CTBP2: variants seen among roughly 807,000 people sequenced by gnomAD.
The protein encoded by CTBP2 is C-terminal binding protein 2.
Under a neutral mutation model 80.3 loss-of-function variants are expected in CTBP2, and 30 were observed. That is an observed-to-expected ratio of 0.37 (90% CI 0.28 to 0.51). The LOEUF (loss-of-function observed/expected upper bound fraction) is 0.51, where lower values mean the gene tolerates loss of function less well. CTBP2 is among the 20% of genes least tolerant of loss of function. CTBP2 has a pLI of 0.93. For missense variants in CTBP2, 1,212 were observed against 1,375.3 expected (o/e 0.88, Z 1.88); for synonymous variants, 594 against 587.4 (o/e 1.01, Z -0.16).
intron 2 of CTBP2, among the ~76,000 whole-genome samples, chr10:125,109,123 T>A (rs1851898711): frequency 1.3e-5 from 2 of 152,208 alleles, no homozygotes; most frequent in Non-Finnish European, 2.9e-5. Context: ...ATTCAACCAT[T>A]TTTGATATTT....
intron 1 of CTBP2, among the ~76,000 whole-genome samples, chr10:125,015,698 G>A (rs766732081): frequency 6.6e-6 from 1 of 152,250 alleles, no homozygotes; most frequent in Non-Finnish European, 1.5e-5. Flanking sequence ...ACCGCTGGTG[G>A]AGGTGTTGGG....
chr10:125,122,306 AAC>A (rs1458952055), intron 1 of CTBP2, among the ~76,000 whole-genome samples: 1 of 152,248 alleles, frequency 6.6e-6, no homozygotes, highest in East Asian at 1.9e-4. Flanking sequence ...TCACATGATG[AAC>A]ATATAAATAC....
chr10:125,093,475 C>A (rs1849086844), intron 2 of CTBP2, among the ~76,000 whole-genome samples: 1 of 152,172 alleles, frequency 6.6e-6, no homozygotes, highest in Non-Finnish European at 1.5e-5. Context: ...TTAAAATGAT[C>A]GTATGATACA....
chr10:125,040,221 G>A (rs1959249888), intron 2 of CTBP2, among the ~76,000 whole-genome samples: 1 of 152,124 alleles, frequency 6.6e-6, no homozygotes, highest in African/African-American at 2.4e-5. Context: ...TTGGGAGGCC[G>A]AGGCGGGCAG....
At chr10:125,119,987 A>G (rs1324108653) in intron 1 of CTBP2, among the ~76,000 whole-genome samples, 1 of 152,238 alleles carries the variant, frequency 6.6e-6, no homozygotes, top group Non-Finnish European at 1.5e-5. Context: ...GTTTTGAAAA[A>G]AGCCAAGTGT....
chr10:125,010,474 C>A (rs1367885545), intron 1 of CTBP2, among the ~76,000 whole-genome samples: 3 of 152,202 alleles, frequency 2.0e-5, no homozygotes, highest in Non-Finnish European at 4.4e-5. Context: ...TATCACCTGA[C>A]ACGCCCAACA....
intron 1 of CTBP2, among the ~76,000 whole-genome samples, chr10:125,133,954 A>G (rs1046444834): frequency 1.3e-5 from 2 of 152,212 alleles, no homozygotes; most frequent in African/African-American, 4.8e-5. Flanking sequence ...TTCTTTCTGC[A>G]TGGGTGATAA....
chr10:125,080,045 CCTCCAAGTTAA>C (rs1335306823), intron 2 of CTBP2, among the ~76,000 whole-genome samples: 2 of 151,584 alleles, frequency 1.3e-5, no homozygotes, highest in Admixed American at 1.3e-4. Flanking sequence ...ATAAAACGTT[CCTCCAAGTTAA>C]CTCCGCTGTA....
At chr10:125,003,614 G>T in intron 1 of CTBP2, 122 bp from the exon 4 acceptor site, 1 of 722,078 alleles carries the variant, frequency 1.4e-6, no homozygotes, top group Non-Finnish European at 2.1e-6. Flanking sequence ...GCGGAGCAGC[G>T]AGGGCACCGC....
intron 1 of CTBP2, among the ~76,000 whole-genome samples, chr10:125,128,154 A>C (rs917228157): frequency 6.6e-6 from 1 of 152,138 alleles, no homozygotes; most frequent in African/African-American, 2.4e-5. Flanking sequence ...AGCTGTCTAG[A>C]ATACCTACTT....
chr10:125,118,568 G>A (rs1238618855), intron 1 of CTBP2, among the ~76,000 whole-genome samples: 1 of 152,190 alleles, frequency 6.6e-6, no homozygotes, highest in Admixed American at 6.5e-5. Context: ...CATGGAAGCA[G>A]AGGCAGCCGG....
rs369182248 is a variant in CTBP2 at position 124,993,360 on chromosome 10, G to A, written c.2532-31C>T. The A allele has an allele frequency of 6.0e-5, 96 of 1,594,928 alleles. No individual in the cohort carries two copies. The African/African-American group carries it at 8.3e-4, about 14-fold the overall frequency. ...AAAATGTAGAAAAAACAGAGTAAGCGGGAAATGTCGCATACGCTCCCTGCC... is the reference window on the plus strand; with the variant it reads ...AAAATGTAGAAAAAACAGAGTAAGCAGGAAATGTCGCATACGCTCCCTGCC... On this transcript the variant is annotated intron_variant, in intron 6 of 8. Coordinates refer to ENST00000309035, the MANE Select transcript of CTBP2 (RefSeq NM_022802.3).
chr10:125,006,594 A>G (rs1009047109), intron 1 of CTBP2, among the ~76,000 whole-genome samples: 1 of 152,208 alleles, frequency 6.6e-6, no homozygotes, highest in East Asian at 1.9e-4. Flanking sequence ...CTCATATGGA[A>G]GATCTCATAT....
chr10:125,123,221 C>A (rs1381089718), intron 1 of CTBP2, among the ~76,000 whole-genome samples: 1 of 143,048 alleles, frequency 7.0e-6, no homozygotes, highest in South Asian at 2.3e-4. Context: ...TATAAAAGGG[C>A]AACGGGGGGA....
intron 1 of CTBP2, among the ~76,000 whole-genome samples, chr10:125,159,102 G>A (rs938043487): frequency 4.7e-5 from 7 of 150,348 alleles, no homozygotes; most frequent in African/African-American, 1.7e-4. Flanking sequence ...GCTGGGGGCA[G>A]CGCGAGGGAG....
At chr10:125,103,317 T>C (rs1444550944) in intron 2 of CTBP2, among the ~76,000 whole-genome samples, 1 of 152,084 alleles carries the variant, frequency 6.6e-6, no homozygotes, top group African/African-American at 2.4e-5. Flanking sequence ...ATCTACAATA[T>C]GCAGGCCATG....
intron 1 of CTBP2, among the ~76,000 whole-genome samples, chr10:125,004,596 G>A (rs942800217): frequency 1.3e-5 from 2 of 152,322 alleles, no homozygotes; most frequent in African/African-American, 2.4e-5. Context: ...CGAGATGCCA[G>A]GAAGGGGCAA....
Position 124,989,695 on chromosome 10 carries a change from A to G in CTBP2, c.2781T>C (p.Tyr927=), listed in dbSNP as rs755688829. The G allele has an allele frequency of 2.5e-6, 4 of 1,571,060 alleles. No homozygotes were observed. Among genetic ancestry groups the G allele is most frequent in the East Asian group, 2.2e-5 (1 of 44,586 alleles). ...GAGCCACACCCACGATGCCTGGCGG[A>G]TATCTAAGGAACACACAGAAATAGG... Residue 927 remains tyrosine (Y), a synonymous_variant, in exon 9 of 9, where the codon TAT becomes TAC. Transcript: ENST00000309035.
intron 2 of CTBP2, among the ~76,000 whole-genome samples, chr10:125,075,910 G>A (rs1388012001): frequency 6.6e-6 from 1 of 152,150 alleles, no homozygotes; most frequent in Non-Finnish European, 1.5e-5. Flanking sequence ...ATCCCAATGG[G>A]CCAGCAATCT....
Sources: allele counts gnomAD v4.1 joint callset (sites outside exome capture counted in the v4.1 genomes callset), GRCh38; gene constraint gnomAD v4.1.1; transcripts MANE v1.5; gene names NCBI Gene and HGNC (gene_info 2026-07-23, HGNC 2026-07-21).